The following ZC3H12D variants were observed in gnomAD, a reference collection of about 807,000 sequenced individuals.
The protein encoded by ZC3H12D is probable ribonuclease ZC3H12D.
A neutral mutation model predicts 24.2 loss-of-function variants in ZC3H12D; 11 were observed. The ratio of observed to expected loss-of-function variants is 0.46; its 90% confidence interval spans 0.29 to 0.75. The LOEUF (loss-of-function observed/expected upper bound fraction) is 0.75. ZC3H12D is among the 30% of genes least tolerant of loss of function. The pLI is 0.11. For missense variants in ZC3H12D, 740 were observed against 767.7 expected (o/e 0.96, Z 0.43); for synonymous variants, 333 against 341.8 (o/e 0.97, Z 0.28).
chr6:149,450,451 C>A lies in ZC3H12D; in HGVS notation c.*232G>T. The A allele has an allele frequency of 2.0e-6, 1 of 511,520 alleles. No individual in the cohort carries two copies. Among genetic ancestry groups the A allele is most frequent in the Non-Finnish European group, 3.4e-6 (1 of 291,706 alleles). 31.7% of individuals were successfully genotyped at this position (511,520 alleles called of 1,614,324 possible). A position where few individuals can be genotyped will look rare whatever the true frequency, so the allele number is the denominator to read the frequency against. On this transcript the variant is annotated 3_prime_UTR_variant, in exon 6 of 6. Transcript: ENST00000409806. ...CGTGCACATGGAAAATCATTCCCTCCACGGAAGTGGGTGGACCTCCCCGCA... is the reference window on the plus strand; with the variant it reads ...CGTGCACATGGAAAATCATTCCCTCAACGGAAGTGGGTGGACCTCCCCGCA...
At chr6:149,464,054 G>C (rs1776115927) in intron 2 of ZC3H12D, among the ~76,000 whole-genome samples, 1 of 152,214 alleles carries the variant, frequency 6.6e-6, no homozygotes, top group Non-Finnish European at 1.5e-5. Flanking sequence ...CCGTCTCTGT[G>C]TAAGCAATAG....
At chr6:149,451,562 G>T in intron 5 of ZC3H12D, 83 bp from the exon 6 acceptor site, 1 of 1,233,334 alleles carries the variant, frequency 8.1e-7, no homozygotes, top group Non-Finnish European at 1.1e-6. Context: ...TCCGGGGAGT[G>T]CCGGCCCGCG....
intron 2 of ZC3H12D, among the ~76,000 whole-genome samples, chr6:149,469,006 A>T (rs1307505388): frequency 6.6e-6 from 1 of 152,222 alleles, no homozygotes; most frequent in African/African-American, 2.4e-5. Flanking sequence ...AAATGAGGAC[A>T]CATTTACATG....
At chr6:149,478,166 CA>C (rs34745745) in intron 1 of ZC3H12D, among the ~76,000 whole-genome samples, 9,142 of 116,610 alleles carry the variant, frequency 0.078, 731 homozygotes, top group African/African-American at 0.24. Context: ...GACTCCATCT[CA>C]AAAAAAAAAA....
In ZC3H12D at chr6:149,450,730, G is replaced by A. The variant is rs771740138; in HGVS notation, c.1537C>T (p.Leu513=). Residue 513 remains leucine, a synonymous_variant, in exon 6 of 6, where the codon CTG becomes TTG. Coordinates refer to ENST00000409806, the MANE Select transcript of ZC3H12D (RefSeq NM_207360.3). ...CCCGCGCTCTGGCATCTCTGTACCA[G>A]GAGGATGAGCCTGGCGAGGTCTGAG... is the stretch of plus-strand genomic sequence containing the variant. ...ELSDLARLIL[L]VQRCQSAGAP... 1.1e-4 allele frequency: 164 copies of A among 1,547,920 alleles called. No individual in the cohort carries two copies. Among genetic ancestry groups the A allele is most frequent in the Middle Eastern group, 1.0e-3 (6 of 5,874 alleles).
At chr6:149,478,392 A>G (rs1776374631) in intron 1 of ZC3H12D, among the ~76,000 whole-genome samples, 1 of 146,714 alleles carries the variant, frequency 6.8e-6, no homozygotes, top group South Asian at 2.2e-4. Context: ...GCTTCTTACT[A>G]ATTTTTTTTT....
intron 2 of ZC3H12D, among the ~76,000 whole-genome samples, chr6:149,466,511 C>T (rs971350476): frequency 2.0e-5 from 3 of 152,010 alleles, no homozygotes; most frequent in Non-Finnish European, 4.4e-5. Flanking sequence ...GAGACACATG[C>T]ATCTCTTCAA....
Position 149,452,847 on chromosome 6 carries a change from C to T in ZC3H12D, c.681-125G>A, listed in dbSNP as rs1183137106. On this transcript the variant is annotated intron_variant, in intron 4 of 5. Transcript: ENST00000409806. The surrounding 1 kb of genome is among the most constrained non-coding windows in gnomAD (Gnocchi z 4.0). Reference sequence around the variant, plus strand: ...GCATTCGGCCCCGGGCCCACCATCACCCAGCAGGATGTCACAGCATCTTAA... The same window carrying T: ...GCATTCGGCCCCGGGCCCACCATCATCCAGCAGGATGTCACAGCATCTTAA... 4 of 797,030 alleles carry T rather than the reference C, an allele frequency of 5.0e-6. No individual in the cohort carries two copies. Among genetic ancestry groups the T allele is most frequent in the Non-Finnish European group, 8.2e-6 (4 of 490,734 alleles). 49.4% of individuals were successfully genotyped at this position (797,030 alleles called of 1,614,324 possible). A position where few individuals can be genotyped will look rare whatever the true frequency, so the allele number is the denominator to read the frequency against.
intron 5 of ZC3H12D, 21 bp from the exon 6 acceptor site, chr6:149,451,500 G>A (rs1417249280): frequency 1.3e-6 from 2 of 1,551,106 alleles, no homozygotes; most frequent in Admixed American, 1.8e-5. Context: ...CGGGGGCAGA[G>A]AGGGCGCGAC....
At position 149,456,616 on chromosome 6, in the gene ZC3H12D, GC is replaced by G. The variant is rs1344407402; in HGVS notation, c.680+49del. 8 of 1,130,428 alleles carry G rather than the reference GC, an allele frequency of 7.1e-6. No individual in the cohort carries two copies. The highest frequency in any genetic ancestry group is 1.3e-5 in the South Asian group (1 of 78,892). The allele number at this position is 1,130,428 out of a possible 1,614,324, so 70.0% of individuals were successfully genotyped here. On this transcript the variant is annotated intron_variant, in intron 4 of 5. Transcript: ENST00000409806. This position sits in a 1 kb window ranked among gnomAD's most constrained non-coding sequence, Gnocchi z 4.3. ...AGGCGTGGCCACTGCCTCGACCCCG[GC>G]CCCCCGCCCCGCCGCCCCCCAGGGT...
Position 149,451,198 on chromosome 6 carries a change from G to A in ZC3H12D, c.1069C>T (p.Pro357Ser), listed in dbSNP as rs1775888243. Residue 357 changes from proline to serine, a missense_variant, in exon 6 of 6, where the codon CCC becomes TCC. Coordinates refer to ENST00000409806, the MANE Select transcript of ZC3H12D (RefSeq NM_207360.3). ...GGGACCGGGAGAGGCGGCCCCAGGG[G>A]CCCCAGGTCGTCGCTGAAGGCCAGC... ...SRLAFSDDLG[P>S]LGPPLPVPAC... 2 of 1,310,566 alleles carry A rather than the reference G, an allele frequency of 1.5e-6. No individual in the cohort carries two copies. The highest frequency in any genetic ancestry group is 9.7e-7 in the Non-Finnish European group (1 of 1,035,938). 81.2% of individuals were successfully genotyped at this position (1,310,566 alleles called of 1,614,324 possible).
At position 149,452,068 on chromosome 6, in the gene ZC3H12D, T is replaced by A. The variant is rs1264874187; in HGVS notation, c.787+548A>T. Reference sequence around the variant, plus strand: ...GGAAGGAGGAGTCAGCCTGAATGTATGTATGGTCACCTAATTCTAACAAGA... The same window carrying A: ...GGAAGGAGGAGTCAGCCTGAATGTAAGTATGGTCACCTAATTCTAACAAGA... On this transcript the variant is annotated intron_variant, in intron 5 of 5. Transcript: ENST00000409806. The surrounding 1 kb of genome is among the most constrained non-coding windows in gnomAD (Gnocchi z 4.0). 1 of 153,464 alleles carries A rather than the reference T, an allele frequency of 6.5e-6. No homozygotes were observed. Among genetic ancestry groups the A allele is most frequent in the Non-Finnish European group, 1.5e-5 (1 of 68,916 alleles). 9.5% of individuals were successfully genotyped at this position (153,464 alleles called of 1,614,324 possible).
chr6:149,475,309 G>C (rs1776317890), intron 1 of ZC3H12D, among the ~76,000 whole-genome samples: 1 of 152,186 alleles, frequency 6.6e-6, no homozygotes, highest in Admixed American at 6.5e-5. Flanking sequence ...AGGGCCAAAT[G>C]CCCCCGGGCG....
intron 1 of ZC3H12D, chr6:149,482,918 CA>C (rs1478267755): frequency 1.3e-5 from 2 of 152,468 alleles, no homozygotes; most frequent in African/African-American, 4.8e-5. Context: ...AGGCACCGCC[CA>C]GGGCTGCTCA....
At position 149,449,763 on chromosome 6, in the gene ZC3H12D, A is replaced by G. The variant is rs1775853248; in HGVS notation, c.*920T>C. 6.6e-6 allele frequency: 1 copy of G among 151,658 alleles called. No homozygotes were observed. Among genetic ancestry groups the G allele is most frequent in the Non-Finnish European group, 1.5e-5 (1 of 67,794 alleles). 9.4% of individuals were successfully genotyped at this position (151,658 alleles called of 1,614,324 possible). A position where few individuals can be genotyped will look rare whatever the true frequency, so the allele number is the denominator to read the frequency against. ...CGAGACTCTGTCTGTTTAAAAAAAG[A>G]AGAAGAAGAAGAAGTAAAAGAAGGC... On this transcript the variant is annotated 3_prime_UTR_variant, in exon 6 of 6. Transcript: ENST00000409806.
intron 3 of ZC3H12D, among the ~76,000 whole-genome samples, chr6:149,461,296 A>G (rs1037886351): frequency 1.3e-5 from 2 of 151,462 alleles, no homozygotes; most frequent in Non-Finnish European, 2.9e-5. Context: ...AGCCGAGATC[A>G]TGCCACTGCA....
chr6:149,458,422 A>G (rs1033863672), intron 3 of ZC3H12D, among the ~76,000 whole-genome samples: 3 of 152,150 alleles, frequency 2.0e-5, no homozygotes, highest in African/African-American at 7.2e-5. Flanking sequence ...GGCGTGAGTC[A>G]CCATGCCCCA....
chr6:149,472,796 G>T (rs946439425), intron 2 of ZC3H12D, among the ~76,000 whole-genome samples: 1 of 152,096 alleles, frequency 6.6e-6, no homozygotes, highest in Non-Finnish European at 1.5e-5. Flanking sequence ...CCTTAGGGCT[G>T]GGAAGGTCTT....
chr6:149,462,116 G>C, intron 2 of ZC3H12D, 146 bp from the exon 3 acceptor site: 2 of 1,029,572 alleles, frequency 1.9e-6, no homozygotes, highest in Non-Finnish European at 1.4e-6. Context: ...GCTCATGCCT[G>C]TAATCCCAAC....
Sources: gnomAD v4.1 joint callset for allele counts (sites outside exome capture counted in the v4.1 genomes callset) on GRCh38, gnomAD v4.1.1 for gene constraint, Gnocchi (gnomAD v3.1) non-coding constraint, MANE v1.5 for transcripts, NCBI Gene and HGNC (gene_info 2026-07-23, HGNC 2026-07-21) for gene names.